The following SLC7A7 variants were observed in gnomAD, a reference collection of about 807,000 sequenced individuals.
SLC7A7 encodes the protein solute carrier family 7 member 7, also known as Y+L amino acid transporter 1.
A neutral mutation model predicts 47.9 loss-of-function variants in SLC7A7; 39 were observed. That is an observed-to-expected ratio of 0.81 (90% confidence interval 0.63 to 1.06). The LOEUF (loss-of-function observed/expected upper bound fraction) is 1.06, where lower values mean the gene tolerates loss of function less well. SLC7A7 is among the 50% of genes least tolerant of loss of function. The pLI is 0.00. For missense variants in SLC7A7, 588 were observed against 632.0 expected, an observed-to-expected ratio of 0.93 and a Z score of 0.75; for synonymous variants, 234 against 242.8, an observed-to-expected ratio of 0.96 and a Z score of 0.34.
chr14:22,786,662 G>A (rs546140565), intron 2 of SLC7A7, among the ~76,000 whole-genome samples: 11 of 152,268 alleles, frequency 7.2e-5, no homozygotes, highest in East Asian at 5.8e-4. Flanking sequence ...AGCTGGGTGC[G>A]ATGGCTCATG....
intron 2 of SLC7A7, among the ~76,000 whole-genome samples, chr14:22,800,313 T>C (rs1389534056): frequency 6.6e-6 from 1 of 152,230 alleles, no homozygotes; most frequent in East Asian, 1.9e-4. Flanking sequence ...AGTTTTCCAA[T>C]ATGCCTCAAC....
intron 2 of SLC7A7, among the ~76,000 whole-genome samples, chr14:22,802,989 T>G (rs2039141729): frequency 6.6e-6 from 1 of 152,056 alleles, no homozygotes; most frequent in African/African-American, 2.4e-5. Flanking sequence ...AACATACAAT[T>G]ATTGAGCACC....
chr14:22,784,271 C>T (rs1160910701), intron 2 of SLC7A7, among the ~76,000 whole-genome samples: 2 of 152,190 alleles, frequency 1.3e-5, no homozygotes, highest in Non-Finnish European at 2.9e-5. Flanking sequence ...ACCCTTGACT[C>T]GGTGCAGCAG....
chr14:22,780,164 G>T, intron 2 of SLC7A7, 113 bp from the exon 3 acceptor site: 1 of 1,468,052 alleles, frequency 6.8e-7, no homozygotes, highest in Non-Finnish European at 9.5e-7. Flanking sequence ...TTCAGCCAAA[G>T]ACAGACCCTC....
intron 2 of SLC7A7, among the ~76,000 whole-genome samples, chr14:22,797,270 C>A (rs1198630170): frequency 6.6e-6 from 1 of 152,062 alleles, no homozygotes; most frequent in East Asian, 1.9e-4. Flanking sequence ...TGGGGCAGTC[C>A]ACGAATTTCT....
intron 4 of SLC7A7, among the ~76,000 whole-genome samples, chr14:22,776,685 C>A (rs2038614818): frequency 6.6e-6 from 1 of 151,822 alleles, no homozygotes; most frequent in African/African-American, 2.4e-5. Flanking sequence ...ACTAGCCAAG[C>A]AGCTGGGCGT....
chr14:22,805,847 G>A (rs965375325), intron 2 of SLC7A7, among the ~76,000 whole-genome samples: 1 of 152,056 alleles, frequency 6.6e-6, no homozygotes, highest in African/African-American at 2.4e-5. Context: ...TCAATAAACT[G>A]TACATACATC....
rs2038584711 is a variant in SLC7A7 at position 22,775,516 on chromosome 14, T to G, written c.1023A>C (p.Glu341Asp). The change falls in exon 7 of 10, where the codon GAA becomes GAC. Residue 341 changes from glutamate to aspartate, a missense_variant. Coordinates refer to ENST00000674313, the MANE Select transcript of SLC7A7 (RefSeq NM_003982.4). ...ASRLFFVGSR[E>D]GHLPDAICMI... ...TGCAGATGGCATCAGGGAGATGGCC[T>G]TCTCTTGAGCCCACAAAGAAAAGCC... The G allele has an allele frequency of 3.1e-6, 5 of 1,614,204 alleles. No homozygotes were observed. The highest frequency in any genetic ancestry group is 4.2e-6 in the Non-Finnish European group (5 of 1,180,016).
chr14:22,779,043 G>T, intron 3 of SLC7A7, 106 bp from the exon 4 acceptor site: 1 of 1,437,758 alleles, frequency 7.0e-7, no homozygotes. Flanking sequence ...TAGCAGGTAA[G>T]TGGCCTACAA....
At chr14:22,802,169 G>A (rs930203092) in intron 2 of SLC7A7, among the ~76,000 whole-genome samples, 69 of 152,246 alleles carry the variant, frequency 4.5e-4, no homozygotes, top group African/African-American at 1.5e-3. Context: ...TTGGGAGGCC[G>A]AGGCAGGCAG....
intron 2 of SLC7A7, among the ~76,000 whole-genome samples, chr14:22,797,447 C>A (rs904581220): frequency 1.3e-5 from 2 of 152,194 alleles, no homozygotes; most frequent in Admixed American, 6.5e-5. Flanking sequence ...ATATTGAGTA[C>A]CCACTGTGTT....
chr14:22,815,819 C>A, upstream of SLC7A7: 1 of 388,334 alleles, frequency 2.6e-6, no homozygotes, highest in Non-Finnish European at 5.2e-6. Flanking sequence ...CCTAGCCTCT[C>A]TTCTCTCTCA....
intron 2 of SLC7A7, among the ~76,000 whole-genome samples, chr14:22,794,188 T>G (rs1037119202): frequency 6.6e-6 from 1 of 152,226 alleles, no homozygotes; most frequent in Non-Finnish European, 1.5e-5. Flanking sequence ...TCTGTGTGAA[T>G]TACTCATTAT....
chr14:22,775,445 T>A lies in SLC7A7; in HGVS notation c.1094A>T (p.Asn365Ile). Residue 365 changes from asparagine (N) to isoleucine (I), a missense_variant and splice_region_variant, in exon 7 of 10, where the codon AAT becomes ATT. By Grantham distance (149) the Asn-to-Ile change is moderately radical. Coordinates refer to ENST00000674313, the MANE Select transcript of SLC7A7 (RefSeq NM_003982.4). ...AGTCTCATCCTTGAGTTCACTTACATTGAAGAGCAGAGAAGGCACTGGTGT... is the reference window on the plus strand; with the variant it reads ...AGTCTCATCCTTGAGTTCACTTACAATGAAGAGCAGAGAAGGCACTGGTGT... ...RFTPVPSLLFNGIMALIYLCV... is the reference protein window; with the variant it reads ...RFTPVPSLLFIGIMALIYLCV... 6.2e-7 allele frequency: 1 copy of A among 1,613,248 alleles called. No homozygotes were observed. Among genetic ancestry groups the A allele is most frequent in the Non-Finnish European group, 8.5e-7 (1 of 1,179,226 alleles).
At chr14:22,783,668 T>C (rs1275691073) in intron 2 of SLC7A7, among the ~76,000 whole-genome samples, 1 of 152,214 alleles carries the variant, frequency 6.6e-6, no homozygotes, top group African/African-American at 2.4e-5. Context: ...CCCAAAGTGC[T>C]GGGATTACAG....
intron 2 of SLC7A7, among the ~76,000 whole-genome samples, chr14:22,780,942 G>A (rs2038707185): frequency 6.6e-6 from 1 of 152,046 alleles, no homozygotes; most frequent in African/African-American, 2.4e-5. Flanking sequence ...TGAATTACTT[G>A]AAGAAGTTCA....
intron 2 of SLC7A7, among the ~76,000 whole-genome samples, chr14:22,796,021 T>G (rs1477048273): frequency 6.6e-6 from 1 of 152,124 alleles, no homozygotes; most frequent in East Asian, 1.9e-4. Flanking sequence ...TGTTCCAAAG[T>G]TCACAACAAA....
At chr14:22,802,900 C>T (rs1336848968) in intron 2 of SLC7A7, among the ~76,000 whole-genome samples, 1 of 152,014 alleles carries the variant, frequency 6.6e-6, no homozygotes, top group Non-Finnish European at 1.5e-5. Context: ...TGCACCCCCA[C>T]ACCCCATACA....
chr14:22,814,832 C>T (rs1159389345), intron 1 of SLC7A7: 1 of 165,772 alleles, frequency 6.0e-6, no homozygotes. Flanking sequence ...CATCCCTTAA[C>T]CCTTAGCTGG....
Sources: allele counts gnomAD v4.1 joint callset (sites outside exome capture counted in the v4.1 genomes callset), GRCh38; gene constraint gnomAD v4.1.1; transcripts MANE v1.5; gene names NCBI Gene and HGNC (gene_info 2026-07-23, HGNC 2026-07-21).